The following MAP3K3 variants were observed in gnomAD, a reference collection of about 807,000 sequenced individuals.
The protein encoded by MAP3K3 is MAP/ERK kinase kinase 3.
In MAP3K3, 12 loss-of-function variants were observed where a neutral mutation model predicts 80.9. The ratio of observed to expected loss-of-function variants is 0.15; its 90% CI spans 0.10 to 0.24. MAP3K3 has a LOEUF of 0.24. Among genes scored for constraint, MAP3K3 ranks in the 10% least tolerant of loss-of-function variants. MAP3K3 has a pLI of 1.00. For missense variants in MAP3K3, 596 were observed against 834.7 expected (o/e 0.71, Z 3.52); for synonymous variants, 272 against 307.1 (o/e 0.89, Z 1.19).
chr17:63,630,803 T>C (rs925799861), intron 1 of MAP3K3, among the ~76,000 whole-genome samples: 2 of 152,222 alleles, frequency 1.3e-5, no homozygotes, highest in African/African-American at 4.8e-5. Context: ...ATACATACTT[T>C]TGTATATGTT....
chr17:63,679,890 G>T (rs1257587097), intron 6 of MAP3K3, among the ~76,000 whole-genome samples: 1 of 152,114 alleles, frequency 6.6e-6, no homozygotes, highest in Non-Finnish European at 1.5e-5. Context: ...AACTGGTCTG[G>T]ACTAGGGATC....
At chr17:63,685,473 A>C in intron 7 of MAP3K3, 44 bp from the exon 8 acceptor site, 5 of 1,490,018 alleles carry the variant, frequency 3.4e-6, no homozygotes, top group Non-Finnish European at 4.7e-6. Context: ...ACTGGGGGGA[A>C]TTGGGGCTGG....
At chr17:63,634,580 G>A (rs1325451961) in intron 2 of MAP3K3, 1 of 748,918 alleles carries the variant, frequency 1.3e-6, no homozygotes, top group Non-Finnish European at 2.2e-6. Context: ...GCCTAAAAAG[G>A]ATTGACTGTT....
chr17:63,640,197 T>TTGAA (rs2034411938), intron 2 of MAP3K3, among the ~76,000 whole-genome samples: 1 of 152,180 alleles, frequency 6.6e-6, no homozygotes, highest in Admixed American at 6.5e-5. Context: ...GGAGGATCAC[T>TTGAA]TGAACCCAGG....
chr17:63,647,265 G>A (rs991240162), intron 3 of MAP3K3, among the ~76,000 whole-genome samples: 1 of 152,168 alleles, frequency 6.6e-6, no homozygotes, highest in African/African-American at 2.4e-5. Flanking sequence ...GAGGGAGGAA[G>A]GTCTGAGCTC....
rs1270857047 is a variant in MAP3K3, at chr17:63,693,975, C to T, written c.*198C>T. The stretch of plus-strand genomic sequence containing the variant: ...GGCTGCAGCCTCAGGACTGGGAGCC[C>T]CCAGCCTGTCAGATCCAGGAGCTCC... On this transcript the variant is annotated 3_prime_UTR_variant, in exon 16 of 16. Transcript: ENST00000361733. The surrounding 1 kb of genome is among the most constrained non-coding windows in gnomAD (Gnocchi z 4.2). 2 of 534,006 alleles carry T rather than the reference C, an allele frequency of 3.7e-6. No homozygotes were observed. The highest frequency in any genetic ancestry group is 3.3e-6 in the Non-Finnish European group (1 of 304,718). 33.1% of individuals were successfully genotyped at this position (534,006 alleles called of 1,614,324 possible). A position where few individuals can be genotyped will look rare whatever the true frequency, so the allele number is the denominator to read the frequency against.
chr17:63,635,864 C>A (rs1373164734), intron 2 of MAP3K3, among the ~76,000 whole-genome samples: 1 of 152,148 alleles, frequency 6.6e-6, no homozygotes, highest in Non-Finnish European at 1.5e-5. Context: ...GAAGAGTTGC[C>A]AAATTTGGTT....
chr17:63,692,319 T>C lies in MAP3K3; in HGVS notation c.1552T>C (p.Cys518Arg). 2.5e-6 allele frequency: 4 copies of C among 1,613,948 alleles called. No homozygotes were observed. Among genetic ancestry groups the C allele is most frequent in the Non-Finnish European group, 3.4e-6 (4 of 1,180,004 alleles). The part of the protein sequence containing the change: ...FGASKRLQTI[C>R]MSGTGMRSVT... Reference sequence around the variant, plus strand: ...GGCCAGCAAACGCCTGCAGACGATCTGTATGTCGGGGACGGGCATGCGCTC... The same window carrying C: ...GGCCAGCAAACGCCTGCAGACGATCCGTATGTCGGGGACGGGCATGCGCTC... Residue 518 changes from cysteine to arginine, a missense_variant, in exon 15 of 16, where the codon TGT (cysteine) becomes CGT (arginine). Coordinates refer to ENST00000361733, the MANE Select transcript of MAP3K3 (RefSeq NM_002401.5). This position sits in a 1 kb window ranked among gnomAD's most constrained non-coding sequence, Gnocchi z 4.5.
In MAP3K3 at chr17:63,681,910, G is replaced by A. The variant is rs202150596; in HGVS notation, c.636+11G>A. The A allele has an allele frequency of 7.2e-7, 1 of 1,397,780 alleles. No individual in the cohort carries two copies. The highest frequency in any genetic ancestry group is 1.8e-5 in the South Asian group (1 of 56,050). The allele number at this position is 1,397,780 out of a possible 1,614,324, so 86.6% of individuals were successfully genotyped here. A position where few individuals can be genotyped will look rare whatever the true frequency, so the allele number is the denominator to read the frequency against. On this transcript the variant is annotated intron_variant, in intron 7 of 15. Transcript: ENST00000361733. ...ACCAGCGAGCAGTGCGTGAGTATAG[G>A]GGGGCTGGGATATGCCTGTGGCCTG...
intron 6 of MAP3K3, among the ~76,000 whole-genome samples, chr17:63,669,874 G>A (rs2143480410): frequency 6.6e-6 from 1 of 152,042 alleles, no homozygotes; most frequent in Middle Eastern, 3.4e-3. Flanking sequence ...GGCCGAGTTG[G>A]GTGGATTGCT....
At position 63,689,645 on chromosome 17, in the gene MAP3K3, G is replaced by C; in HGVS notation, c.973G>C (p.Ala325Pro). Reference sequence around the variant, plus strand: ...CACAAATGGCGAGAACATGGGTCTGGCTGTGCAATACCTGGACCCCCGTGG... The same window carrying C: ...CACAAATGGCGAGAACATGGGTCTGCCTGTGCAATACCTGGACCCCCGTGG... ...LSTNGENMGL[A>P]VQYLDPRGRL... Residue 325 changes from alanine to proline, a missense_variant, in exon 11 of 16, where the codon GCT becomes CCT. Ala to Pro is a conservative substitution (Grantham distance 27). Around this residue, in one of 2 missense-constraint regions of MAP3K3, gnomAD observed 364 missense variants for 588.9 expected, o/e 0.62. Transcript: ENST00000361733. The surrounding 1 kb of genome is among the most constrained non-coding windows in gnomAD (Gnocchi z 4.3). 1 of 1,613,988 alleles carries C rather than the reference G, an allele frequency of 6.2e-7. No individual in the cohort carries two copies. Among genetic ancestry groups the C allele is most frequent in the Non-Finnish European group, 8.5e-7 (1 of 1,179,960 alleles).
At chr17:63,678,453 T>C (rs1418318802) in intron 6 of MAP3K3, among the ~76,000 whole-genome samples, 1 of 151,914 alleles carries the variant, frequency 6.6e-6, no homozygotes, top group African/African-American at 2.4e-5. Flanking sequence ...ACCCTGTGAG[T>C]GAGATGTTGA....
intron 3 of MAP3K3, among the ~76,000 whole-genome samples, chr17:63,650,976 AT>A (rs1037652278): frequency 2.4e-4 from 37 of 151,498 alleles, no homozygotes; most frequent in Non-Finnish European, 3.5e-4. Flanking sequence ...GGCCCCCAAG[AT>A]TTTTTTTTAA....
At chr17:63,630,317 A>T (rs2034189484) in intron 1 of MAP3K3, among the ~76,000 whole-genome samples, 1 of 152,162 alleles carries the variant, frequency 6.6e-6, no homozygotes, top group Non-Finnish European at 1.5e-5. Flanking sequence ...ATAAAAATCA[A>T]AACAAAAAAC....
intron 2 of MAP3K3, among the ~76,000 whole-genome samples, chr17:63,633,229 CA>C (rs201848267): frequency 0.021 from 2,295 of 109,494 alleles, 14 homozygotes; most frequent in Admixed American, 0.039. Flanking sequence ...AACTCTGTCT[CA>C]AAAAAAAAAA....
At chr17:63,641,592 C>T (rs975379219) in intron 2 of MAP3K3, among the ~76,000 whole-genome samples, 3 of 152,008 alleles carry the variant, frequency 2.0e-5, no homozygotes, top group African/African-American at 4.8e-5. Flanking sequence ...AACCTAAGTT[C>T]GAGGTTACAC....
intron 1 of MAP3K3, among the ~76,000 whole-genome samples, chr17:63,624,028 T>A (rs1321171244): frequency 1.3e-5 from 2 of 152,202 alleles, no homozygotes; most frequent in Admixed American, 6.5e-5. Flanking sequence ...TCATACAGTA[T>A]GAGAAGGGTT....
In MAP3K3 at chr17:63,634,724, A is replaced by G. The variant is rs138850035; in HGVS notation, c.126+1922A>G. 8.4e-5 allele frequency: 136 copies of G among 1,613,260 alleles called. No homozygotes were observed. The highest frequency in any genetic ancestry group is 1.1e-4 in the Non-Finnish European group (126 of 1,179,896). On this transcript the variant is annotated intron_variant, in intron 2 of 15. Transcript: ENST00000361733. ...GTTTTTAAAGAAAAAACACAACAGC[A>G]GCAGCTCAGCCCTTCTGAACAGCCC...
intron 2 of MAP3K3, among the ~76,000 whole-genome samples, chr17:63,639,047 G>A (rs1289405314): frequency 6.6e-6 from 1 of 152,044 alleles, no homozygotes; most frequent in Non-Finnish European, 1.5e-5. Flanking sequence ...AGAAAGGTAT[G>A]TCATATTCCC....
Sources: gnomAD v4.1 joint callset for allele counts (sites outside exome capture counted in the v4.1 genomes callset) on GRCh38, gnomAD v4.1.1 for gene constraint, gnomAD v4.1.1 regional missense constraint, Gnocchi (gnomAD v3.1) non-coding constraint, MANE v1.5 for transcripts, NCBI Gene and HGNC (gene_info 2026-07-23, HGNC 2026-07-21) for gene names.